CNTN5: variants seen among roughly 807,000 people sequenced by gnomAD.
The protein encoded by CNTN5 is contactin-5.
CNTN5 carries 77 observed loss-of-function variants against 129.1 expected under a neutral mutation model. The observed-to-expected ratio is 0.60, with a 90% CI of 0.50 to 0.72. CNTN5 has a LOEUF of 0.72. CNTN5 is among the 30% of genes least tolerant of loss of function. The pLI, the probability that CNTN5 is intolerant of heterozygous loss-of-function variation, is 0.00. For missense variants in CNTN5, 1,478 were observed against 1,328.8 expected (o/e 1.11, Z -1.75); for synonymous variants, 509 against 465.6 (o/e 1.09, Z -1.20).
At chr11:99,606,635 A>G (rs376359738) in intron 3 of CNTN5, among the ~76,000 whole-genome samples, 5 of 137,506 alleles carry the variant, frequency 3.6e-5, no homozygotes, top group South Asian at 2.3e-4. Context: ...AGCCCGCATC[A>G]CCAAGTCAAT....
At chr11:100,062,516 G>T (rs957048890) in intron 10 of CNTN5, among the ~76,000 whole-genome samples, 5 of 152,162 alleles carry the variant, frequency 3.3e-5, no homozygotes, top group Admixed American at 6.5e-5. Context: ...CAGCAATAGA[G>T]CCTTGAAGTA....
At chr11:99,296,300 C>T (rs1230917686) in intron 1 of CNTN5, among the ~76,000 whole-genome samples, 1 of 152,024 alleles carries the variant, frequency 6.6e-6, no homozygotes, top group Non-Finnish European at 1.5e-5. Context: ...ATTATAAACC[C>T]AAGGTTCAAA....
intron 7 of CNTN5, among the ~76,000 whole-genome samples, chr11:99,933,691 G>A (rs1245169114): frequency 6.6e-6 from 1 of 152,156 alleles, no homozygotes; most frequent in East Asian, 1.9e-4. Context: ...ATATTTCATT[G>A]TTGCAATATA....
intron 2 of CNTN5, among the ~76,000 whole-genome samples, chr11:99,458,911 T>C (rs1204251750): frequency 6.6e-6 from 1 of 152,026 alleles, no homozygotes; most frequent in Non-Finnish European, 1.5e-5. Flanking sequence ...AGAAGTTTTG[T>C]GCCATCTGAA....
chr11:99,276,087 C>T (rs1386984600), intron 1 of CNTN5, among the ~76,000 whole-genome samples: 1 of 151,628 alleles, frequency 6.6e-6, no homozygotes, highest in African/African-American at 2.4e-5. Context: ...AAACTGCTCT[C>T]ACAAGTTCTT....
chr11:100,287,281 G>A lies in CNTN5; in HGVS notation c.2315-10344G>A, dbSNP rs376518334. Among the ~76,000 whole-genome samples the A allele has an allele frequency of 8.6e-4, 125 of 145,390 alleles. 4 individuals carry two copies. In the East Asian group the frequency reaches 0.012, roughly 14 times the overall value. ...ATGCCATAAAGATACTCCTCGAGAA[G>A]AGCAACTCCAAGACACATAATTGTC... On this transcript the variant is annotated intron_variant, in intron 18 of 24. Transcript: ENST00000524871.
chr11:100,031,443 C>A (rs1941702578), intron 9 of CNTN5, among the ~76,000 whole-genome samples: 1 of 152,096 alleles, frequency 6.6e-6, no homozygotes, highest in South Asian at 2.1e-4. Context: ...TGGAATGCGA[C>A]CCTTGTGGAG....
intron 3 of CNTN5, among the ~76,000 whole-genome samples, chr11:99,782,035 T>C (rs1165754678): frequency 6.6e-6 from 1 of 150,922 alleles, no homozygotes; most frequent in Non-Finnish European, 1.5e-5. Flanking sequence ...GGAAGTCAAA[T>C]TGTCCCTGTT....
chr11:99,257,188 G>A (rs1242253777), intron 1 of CNTN5, among the ~76,000 whole-genome samples: 1 of 152,070 alleles, frequency 6.6e-6, no homozygotes, highest in Non-Finnish European at 1.5e-5. Context: ...TTAGATTTAG[G>A]AATAAAAACT....
chr11:100,305,033 C>G (rs1408030746), intron 20 of CNTN5, among the ~76,000 whole-genome samples: 1 of 151,286 alleles, frequency 6.6e-6, no homozygotes, highest in Non-Finnish European at 1.5e-5. Flanking sequence ...AACCAGGCAA[C>G]AAAAGAGGGA....
At chr11:100,212,237 A>G (rs1949047981) in intron 15 of CNTN5, among the ~76,000 whole-genome samples, 1 of 152,164 alleles carries the variant, frequency 6.6e-6, no homozygotes, top group African/African-American at 2.4e-5. Flanking sequence ...GTCACCTTGT[A>G]TAGCTCTAAT....
At chr11:99,322,204 C>T (rs1865603000) in intron 1 of CNTN5, among the ~76,000 whole-genome samples, 1 of 152,070 alleles carries the variant, frequency 6.6e-6, no homozygotes, top group East Asian at 1.9e-4. Context: ...TCTTGTGAGG[C>T]CTTTCCCCCA....
chr11:99,348,017 A>T (rs1938019714), intron 2 of CNTN5, among the ~76,000 whole-genome samples: 1 of 152,224 alleles, frequency 6.6e-6, no homozygotes. Flanking sequence ...ATTAATAAAT[A>T]ATGTTATTTA....
chr11:99,511,121 A>G lies in CNTN5; in HGVS notation c.-70-45024A>G, dbSNP rs113257647. On this transcript the variant is annotated intron_variant, in intron 2 of 24. Coordinates refer to ENST00000524871, the MANE Select transcript of CNTN5 (RefSeq NM_014361.4). ...AAATCTTATAGAAAAGAACATAAAG[A>G]AAAATATTTTTGTAGGGTGTCAATT... 8.4e-3 allele frequency among the ~76,000 whole-genome samples: 1,273 copies of G among 152,278 alleles called. 9 individuals carry two copies. Among genetic ancestry groups the G allele is most frequent in the Non-Finnish European group, 0.014 (919 of 68,012 alleles).
At chr11:99,680,907 A>C (rs1188777030) in intron 3 of CNTN5, among the ~76,000 whole-genome samples, 1 of 151,988 alleles carries the variant, frequency 6.6e-6, no homozygotes, top group Admixed American at 6.6e-5. Context: ...TCACCACTCT[A>C]GATGCCATTA....
At chr11:99,519,999 A>AT (rs2135435500) in intron 2 of CNTN5, among the ~76,000 whole-genome samples, 1 of 152,152 alleles carries the variant, frequency 6.6e-6, no homozygotes, top group South Asian at 2.1e-4. Context: ...CTTGTCTGCC[A>AT]TTTTTGTGGC....
chr11:99,752,747 A>G (rs1306610289), intron 3 of CNTN5, among the ~76,000 whole-genome samples: 1 of 152,196 alleles, frequency 6.6e-6, no homozygotes, highest in Non-Finnish European at 1.5e-5. Context: ...TTATAAAACA[A>G]TTGCCACTTT....
At chr11:100,342,339 T>A (rs919621041) in intron 23 of CNTN5, among the ~76,000 whole-genome samples, 1 of 152,092 alleles carries the variant, frequency 6.6e-6, no homozygotes, top group Non-Finnish European at 1.5e-5. Flanking sequence ...TACTGTTTAA[T>A]GCTTAGGGAT....
chr11:100,251,752 A>C (rs562596583), intron 16 of CNTN5, among the ~76,000 whole-genome samples: 1 of 152,214 alleles, frequency 6.6e-6, no homozygotes, highest in East Asian at 1.9e-4. Flanking sequence ...ACAGAATTAC[A>C]TTCTTTTTAT....
Sources: gnomAD v4.1 joint callset for allele counts (sites outside exome capture counted in the v4.1 genomes callset) on GRCh38, gnomAD v4.1.1 for gene constraint, MANE v1.5 for transcripts, NCBI Gene and HGNC (gene_info 2026-07-23, HGNC 2026-07-21) for gene names.